The following CFAP46 variants were observed in gnomAD, a reference collection of about 807,000 sequenced individuals.
CFAP46 encodes the protein cilia and flagella associated protein 46.
In CFAP46, 245 loss-of-function variants were observed where a neutral mutation model predicts 325.7. That is an observed-to-expected ratio of 0.75 (90% CI 0.68 to 0.84). The LOEUF (loss-of-function observed/expected upper bound fraction) is 0.84. CFAP46 is among the 40% of genes least tolerant of loss of function. The pLI is 0.00. For missense variants in CFAP46, 3,346 were observed against 3,543.0 expected (o/e 0.94, Z 1.41); for synonymous variants, 1,523 against 1,495.9 (o/e 1.02, Z -0.42).
At chr10:132,870,221 G>A (rs1042405288) in intron 32 of CFAP46, among the ~76,000 whole-genome samples, 13 of 152,174 alleles carry the variant, frequency 8.5e-5, no homozygotes, top group African/African-American at 3.1e-4. Flanking sequence ...GGCTCTGATT[G>A]CTCTGCAGCT....
chr10:132,921,899 G>A (rs1005127563), intron 13 of CFAP46, among the ~76,000 whole-genome samples: 2 of 152,252 alleles, frequency 1.3e-5, no homozygotes, highest in African/African-American at 4.8e-5. Flanking sequence ...CAGGGCACCC[G>A]ACTTGACTGG....
Position 132,889,386 on chromosome 10 carries a change from A to G in CFAP46, c.3304+2947T>C, listed in dbSNP as rs1459743352. ...GGCTAGGAGGGCGGCACCCCATTGG[A>G]TGCTGGGATCTGTGGGCTCACTGTG... is the stretch of plus-strand genomic sequence containing the variant. On this transcript the variant is annotated intron_variant, in intron 25 of 57. Coordinates refer to ENST00000368586, the MANE Select transcript of CFAP46 (RefSeq NM_001200049.3). The surrounding 1 kb of genome is among the most constrained non-coding windows in gnomAD (Gnocchi z 6.0). 1.3e-5 allele frequency among the ~76,000 whole-genome samples: 2 copies of G among 152,146 alleles called. No homozygotes were observed. Among genetic ancestry groups the G allele is most frequent in the Non-Finnish European group, 2.9e-5 (2 of 68,010 alleles).
chr10:132,858,294 G>GAGGCA (rs1848674013), intron 38 of CFAP46, among the ~76,000 whole-genome samples: 2 of 143,140 alleles, frequency 1.4e-5, no homozygotes, highest in Non-Finnish European at 3.1e-5. Context: ...CCCCAGGTTG[G>GAGGCA]GGGCAGGGAG....
intron 23 of CFAP46, 146 bp from the exon 24 acceptor site, chr10:132,899,267 TGC>T: frequency 9.7e-7 from 1 of 1,034,120 alleles, no homozygotes; most frequent in Non-Finnish European, 1.4e-6. Context: ...GAGTCCCTGC[TGC>T]ATCCTTTCCA....
At chr10:132,812,235 C>T (rs1261490629) in intron 55 of CFAP46, among the ~76,000 whole-genome samples, 3 of 152,240 alleles carry the variant, frequency 2.0e-5, no homozygotes, top group Admixed American at 1.3e-4. Flanking sequence ...GCTCACGCCA[C>T]GCCCCCAGCC....
At chr10:132,862,657 G>A (rs568870071) in intron 35 of CFAP46, among the ~76,000 whole-genome samples, 4 of 151,954 alleles carry the variant, frequency 2.6e-5, no homozygotes, top group African/African-American at 9.7e-5. Flanking sequence ...TCAGACCCCC[G>A]AGAGACAAGG....
intron 4 of CFAP46, among the ~76,000 whole-genome samples, 157 bp downstream of exon 4, chr10:132,940,839 C>T (rs528128667): frequency 8.5e-5 from 13 of 152,324 alleles, no homozygotes; most frequent in African/African-American, 2.6e-4. Flanking sequence ...CCTGTCCACA[C>T]GCTGACGAGA....
At chr10:132,898,774 C>G (rs1277586381) in intron 24 of CFAP46, 185 bp downstream of exon 24, 1 of 773,550 alleles carries the variant, frequency 1.3e-6, no homozygotes, top group Admixed American at 2.0e-5. Flanking sequence ...CCGAGTCCAG[C>G]AGGGGCCCCC....
At chr10:132,871,343 G>A (rs1316541101) in intron 32 of CFAP46, among the ~76,000 whole-genome samples, 1 of 152,200 alleles carries the variant, frequency 6.6e-6, no homozygotes, top group East Asian at 1.9e-4. Context: ...GAGGCATTTC[G>A]ACTTTCAAGT....
rs1849091202 is a variant in CFAP46, at chr10:132,884,379, C to T, written c.3627+724G>A. Among the ~76,000 whole-genome samples the T allele has an allele frequency of 6.6e-6, 1 of 152,206 alleles. No individual in the cohort carries two copies. Among genetic ancestry groups the T allele is most frequent in the Non-Finnish European group, 1.5e-5 (1 of 68,034 alleles). ...TTCCCGATGCCAAGGGCCCCCTGGA[C>T]CCCAGAACAATCCAAAGGCCTCGGG... On this transcript the variant is annotated intron_variant, in intron 27 of 57. Transcript: ENST00000368586. This position sits in a 1 kb window ranked among gnomAD's most constrained non-coding sequence, Gnocchi z 5.4.
At chr10:132,927,894 T>C (rs1330645993) in intron 9 of CFAP46, among the ~76,000 whole-genome samples, 2 of 152,228 alleles carry the variant, frequency 1.3e-5, no homozygotes, top group African/African-American at 4.8e-5. Flanking sequence ...ATGAGCCTCC[T>C]GGTAGAATGT....
chr10:132,872,056 TAATAG>T (rs1385435694), intron 32 of CFAP46, among the ~76,000 whole-genome samples: 1 of 152,216 alleles, frequency 6.6e-6, no homozygotes, highest in Non-Finnish European at 1.5e-5. Context: ...ATCACACACT[TAATAG>T]ACTACAGAAT....
chr10:132,839,745 C>T (rs936417261), intron 44 of CFAP46, among the ~76,000 whole-genome samples: 4 of 152,094 alleles, frequency 2.6e-5, no homozygotes, highest in Non-Finnish European at 5.9e-5. Context: ...CTTTTTTGCA[C>T]CTGTCAAGGT....
intron 45 of CFAP46, among the ~76,000 whole-genome samples, 157 bp downstream of exon 45, chr10:132,836,660 G>A (rs1848253618): frequency 6.6e-6 from 1 of 152,172 alleles, no homozygotes; most frequent in South Asian, 2.1e-4. Context: ...GGTACCCGGT[G>A]TCTGTCCGGC....
At chr10:132,809,835 G>A (rs1847542187) in intron 57 of CFAP46, among the ~76,000 whole-genome samples, 1 of 152,202 alleles carries the variant, frequency 6.6e-6, no homozygotes, top group Non-Finnish European at 1.5e-5. Flanking sequence ...TCCCCTGTGA[G>A]GCCAAGAGAG....
In CFAP46 at chr10:132,827,206, G is replaced by C. The variant is rs147014473; in HGVS notation, c.7117+6152C>G. Among the ~76,000 whole-genome samples the C allele has an allele frequency of 1.3e-5, 2 of 151,972 alleles. No individual in the cohort carries two copies. Among genetic ancestry groups the C allele is most frequent in the African/African-American group, 4.8e-5 (2 of 41,404 alleles). ...GCAGACACAACCCCACACGGTGCTC[G>C]TCAGGGGAAGGCAGGAGGGCGGCCG... On this transcript the variant is annotated intron_variant, in intron 50 of 57. Transcript: ENST00000368586. This position sits in a 1 kb window ranked among gnomAD's most constrained non-coding sequence, Gnocchi z 5.7.
Position 132,926,566 on chromosome 10 carries a change from A to G in CFAP46, c.1065+2T>C. 6.5e-7 allele frequency: 1 copy of G among 1,533,940 alleles called. No individual in the cohort carries two copies. The highest frequency in any genetic ancestry group is 8.7e-7 in the Non-Finnish European group (1 of 1,145,098). ...GTGTATGACTCCTGCGTAAGGACTG[A>G]CCTCAACAGCCGCTCGGTTGTACAC... On this transcript the variant is annotated splice_donor_variant, in intron 10 of 57. Coordinates refer to ENST00000368586, the MANE Select transcript of CFAP46 (RefSeq NM_001200049.3). LOFTEE classifies it high-confidence loss of function.
Position 132,941,708 on chromosome 10 carries a change from CT to C in CFAP46, c.188del (p.Glu63GlyfsTer2), listed in dbSNP as rs1327129778. The C allele has an allele frequency of 6.2e-7, 1 of 1,614,000 alleles. No individual in the cohort carries two copies. Among genetic ancestry groups the C allele is most frequent in the Admixed American group, 1.7e-5 (1 of 60,028 alleles). On this transcript the variant is annotated frameshift_variant, in exon 3 of 58. Transcript: ENST00000368586. LOFTEE classifies it high-confidence loss of function. ...AEQALKMRQP[E>X]VSEDCIQMYF... The stretch of plus-strand genomic sequence containing the variant: ...ACATTTGGATGCAGTCCTCGCTCAC[CT>C]CTGGCTGCCTCATCTGCAAGAGAAC...
At chr10:132,868,385 T>C (rs1375095756) in intron 33 of CFAP46, among the ~76,000 whole-genome samples, 9 of 152,236 alleles carry the variant, frequency 5.9e-5, no homozygotes. Context: ...ACCAGGTTCC[T>C]GGGACACTGC....
Sources: allele counts gnomAD v4.1 joint callset (sites outside exome capture counted in the v4.1 genomes callset), GRCh38; gene constraint gnomAD v4.1.1; non-coding constraint Gnocchi (gnomAD v3.1); transcripts MANE v1.5; gene names NCBI Gene and HGNC (gene_info 2026-07-23, HGNC 2026-07-21).